The following LPP variants were observed in gnomAD, a reference collection of about 807,000 sequenced individuals.
LPP encodes lipoma-preferred partner.
LPP carries 38 observed loss-of-function variants against 60.4 expected under a neutral mutation model. The ratio of observed to expected loss-of-function variants is 0.63; its 90% CI spans 0.49 to 0.83. The LOEUF (loss-of-function observed/expected upper bound fraction) is 0.83. Among genes scored for constraint, LPP ranks in the 40% least tolerant of loss-of-function variants. The probability of loss-of-function intolerance (pLI) is 0.00; values close to 1 mark genes in which losing one functional copy is unlikely to be tolerated. For synonymous variants in LPP, 328 were observed against 290.8 expected, an observed-to-expected ratio of 1.13 and a Z score of -1.30; for missense variants, 902 against 783.6, an observed-to-expected ratio of 1.15 and a Z score of -1.80.
At position 188,611,239 on chromosome 3, in the gene LPP, G is replaced by A. The variant is rs530074410; in HGVS notation, c.1113+1395G>A. Among the ~76,000 whole-genome samples the A allele has an allele frequency of 2.2e-3, 338 of 152,192 alleles. 4 individuals carry two copies. The highest frequency in any genetic ancestry group is 3.6e-3 in the Non-Finnish European group (244 of 68,012). ...AATTGGCCAGCCATGATCCCTTTCC[G>A]ATAGATAGATTCCAAATTAGAATTT... On this transcript the variant is annotated intron_variant, in intron 7 of 11. Transcript: ENST00000617246.
chr3:188,576,556 C>G (rs904672530), intron 6 of LPP, among the ~76,000 whole-genome samples: 1 of 152,266 alleles, frequency 6.6e-6, no homozygotes, highest in Admixed American at 6.5e-5. Context: ...TCCTTATTTG[C>G]AGTCCAGTGC....
chr3:188,760,093 T>C lies in LPP; in HGVS notation c.1241-20T>C, dbSNP rs1385556024. ...TGAAGTACTCCTTGGTGTGTTCTTA[T>C]CAAACCCTTTTTTTTCCAGGCCGCT... On this transcript the variant is annotated intron_variant, in intron 8 of 11. Coordinates refer to ENST00000617246, the MANE Select transcript of LPP (RefSeq NM_001375462.1). The C allele has an allele frequency of 2.5e-6, 4 of 1,612,986 alleles. No homozygotes were observed. The highest frequency in any genetic ancestry group is 1.3e-5 in the African/African-American group (1 of 74,876).
chr3:188,428,598 T>A (rs111637538), intron 4 of LPP, among the ~76,000 whole-genome samples: 226 of 87,056 alleles, frequency 2.6e-3, no homozygotes, highest in African/African-American at 7.2e-3. Flanking sequence ...ATATATATAT[T>A]TTTTTTTTTT....
intron 3 of LPP, among the ~76,000 whole-genome samples, chr3:188,348,019 C>T (rs1421596196): frequency 6.6e-6 from 1 of 152,186 alleles, no homozygotes; most frequent in African/African-American, 2.4e-5. Flanking sequence ...CACTGATAGG[C>T]TTGACAGGCA....
At chr3:188,581,709 A>T (rs1836188055) in intron 6 of LPP, among the ~76,000 whole-genome samples, 1 of 152,204 alleles carries the variant, frequency 6.6e-6, no homozygotes, top group Non-Finnish European at 1.5e-5. Flanking sequence ...GGATCTTATC[A>T]TTGCTTCGCT....
chr3:188,869,825 A>C (rs1167811905), intron 10 of LPP, among the ~76,000 whole-genome samples: 1 of 152,086 alleles, frequency 6.6e-6, no homozygotes, highest in Non-Finnish European at 1.5e-5. Context: ...GTCAATGTTG[A>C]CTCATATCCT....
chr3:188,837,382 CATAAT>C (rs1183036631), intron 9 of LPP, among the ~76,000 whole-genome samples: 1 of 140,394 alleles, frequency 7.1e-6, no homozygotes, highest in Non-Finnish European at 1.5e-5. Flanking sequence ...CCATCTCAAA[CATAAT>C]AATAATAATA....
intron 1 of LPP, among the ~76,000 whole-genome samples, chr3:188,202,520 G>A (rs1024944018): frequency 1.3e-5 from 2 of 152,204 alleles, no homozygotes; most frequent in Non-Finnish European, 2.9e-5. Context: ...CAATGCTCTT[G>A]CATCTTGAGC....
intron 2 of LPP, among the ~76,000 whole-genome samples, chr3:188,300,420 A>G (rs2150137744): frequency 6.6e-6 from 1 of 150,398 alleles, no homozygotes; most frequent in Non-Finnish European, 1.5e-5. Context: ...CCAAGAAAGG[A>G]ACTTACTTTA....
Position 188,193,990 on chromosome 3 carries a change from G to A in LPP, c.-189-31415G>A, listed in dbSNP as rs1003149032. 3.9e-5 allele frequency among the ~76,000 whole-genome samples: 6 copies of A among 152,306 alleles called. No individual in the cohort carries two copies. The South Asian group carries it at 1.0e-3, about 26-fold the overall frequency. ...TAAGGCTCAGCTCTGCCACTGACAT[G>A]CTGTGTTACATGGGCAAGTCCCCAC... On this transcript the variant is annotated intron_variant, in intron 1 of 11. Coordinates refer to ENST00000617246, the MANE Select transcript of LPP (RefSeq NM_001375462.1).
chr3:188,337,661 A>C (rs1296470617), intron 2 of LPP, among the ~76,000 whole-genome samples: 1 of 151,560 alleles, frequency 6.6e-6, no homozygotes, highest in Non-Finnish European at 1.5e-5. Context: ...TTTTTAGTTC[A>C]TCTTTTTGTT....
intron 2 of LPP, among the ~76,000 whole-genome samples, chr3:188,237,168 A>T (rs1049110293): frequency 6.6e-6 from 1 of 152,184 alleles, no homozygotes; most frequent in Admixed American, 6.5e-5. Flanking sequence ...ATCCATAAGA[A>T]GCCCCTCCTT....
intron 8 of LPP, among the ~76,000 whole-genome samples, chr3:188,715,961 T>C (rs913901988): frequency 5.3e-5 from 8 of 152,342 alleles, no homozygotes; most frequent in African/African-American, 1.7e-4. Context: ...GAGCTGTAAT[T>C]ATCTTGACAT....
At chr3:188,743,617 A>T (rs1271379962) in intron 8 of LPP, 1 of 152,064 alleles carries the variant, frequency 6.6e-6, no homozygotes, top group Non-Finnish European at 1.5e-5. Context: ...GCAACCAATG[A>T]AGTGTACAAG....
At chr3:188,699,625 T>A (rs1338169538) in intron 7 of LPP, among the ~76,000 whole-genome samples, 1 of 152,218 alleles carries the variant, frequency 6.6e-6, no homozygotes, top group East Asian at 1.9e-4. Context: ...AATTCATTCT[T>A]CAATAAAATG....
At chr3:188,454,955 G>C (rs1797407300) in intron 4 of LPP, among the ~76,000 whole-genome samples, 1 of 152,160 alleles carries the variant, frequency 6.6e-6, no homozygotes, top group Non-Finnish European at 1.5e-5. Context: ...TTTAGAAGGT[G>C]TTCACAATGT....
intron 6 of LPP, among the ~76,000 whole-genome samples, chr3:188,535,926 C>T (rs1376145916): frequency 2.0e-5 from 3 of 151,836 alleles, no homozygotes; most frequent in African/African-American, 4.8e-5. Flanking sequence ...AGTTGCTTAC[C>T]GAATGTACTG....
intron 6 of LPP, among the ~76,000 whole-genome samples, chr3:188,525,186 C>T (rs1820249040): frequency 6.6e-6 from 1 of 151,980 alleles, no homozygotes; most frequent in Non-Finnish European, 1.5e-5. Context: ...AGGCTGGTCT[C>T]GAACTCCTGA....
intron 3 of LPP, among the ~76,000 whole-genome samples, chr3:188,370,339 G>T (rs569694056): frequency 6.6e-6 from 1 of 152,178 alleles, no homozygotes; most frequent in African/African-American, 2.4e-5. Flanking sequence ...CCTACAAGTG[G>T]TGGGGCTGGA....
Sources: allele counts gnomAD v4.1 joint callset (sites outside exome capture counted in the v4.1 genomes callset), GRCh38; gene constraint gnomAD v4.1.1; transcripts MANE v1.5; gene names NCBI Gene and HGNC (gene_info 2026-07-23, HGNC 2026-07-21).